The following THEMIS variants were observed in gnomAD, a reference collection of about 807,000 sequenced individuals.
THEMIS encodes protein THEMIS.
A neutral mutation model predicts 52.6 loss-of-function variants in THEMIS; 37 were observed. The observed-to-expected ratio is 0.70, with a 90% confidence interval of 0.54 to 0.93. The LOEUF (loss-of-function observed/expected upper bound fraction) is 0.93. Among genes scored for constraint, THEMIS ranks in the 40% least tolerant of loss-of-function variants. THEMIS has a pLI of 0.00. For missense variants in THEMIS, 808 were observed against 763.1 expected (o/e 1.06, Z -0.69); for synonymous variants, 292 against 272.7 (o/e 1.07, Z -0.70).
chr6:127,801,259 T>G (rs1178463259), intron 4 of THEMIS, among the ~76,000 whole-genome samples: 3 of 152,198 alleles, frequency 2.0e-5, no homozygotes, highest in African/African-American at 4.8e-5. Context: ...TGCTCCTAAG[T>G]TCAGTGGGCA....
At chr6:127,725,793 T>A (rs910476081) in intron 4 of THEMIS, among the ~76,000 whole-genome samples, 1 of 152,078 alleles carries the variant, frequency 6.6e-6, no homozygotes, top group Non-Finnish European at 1.5e-5. Context: ...TTCAGCCCTA[T>A]CCCAAAGACA....
chr6:127,873,374 A>G (rs909072010), intron 1 of THEMIS, among the ~76,000 whole-genome samples: 11 of 152,222 alleles, frequency 7.2e-5, no homozygotes, highest in African/African-American at 2.7e-4. Flanking sequence ...TAGGAATTCA[A>G]CTACCCAAGT....
chr6:127,782,073 C>T (rs1433652855), intron 4 of THEMIS, among the ~76,000 whole-genome samples: 1 of 152,200 alleles, frequency 6.6e-6, no homozygotes, highest in African/African-American at 2.4e-5. Flanking sequence ...TTGAACTTCC[C>T]TTCCCGGTGG....
chr6:127,729,117 A>G (rs1583205999), intron 4 of THEMIS, among the ~76,000 whole-genome samples: 2 of 125,222 alleles, frequency 1.6e-5, no homozygotes, highest in Admixed American at 8.4e-5. Context: ...CTCAATTTCC[A>G]TTCTACTCCC....
intron 2 of THEMIS, among the ~76,000 whole-genome samples, chr6:127,842,166 C>T (rs1164166983): frequency 1.3e-5 from 2 of 151,704 alleles, no homozygotes; most frequent in African/African-American, 4.8e-5. Context: ...CCTATCAGGT[C>T]CTTTAGAAAC....
At chr6:127,736,434 A>G (rs1775007534) in intron 4 of THEMIS, among the ~76,000 whole-genome samples, 1 of 152,140 alleles carries the variant, frequency 6.6e-6, no homozygotes, top group South Asian at 2.1e-4. Context: ...AGGGAATAAA[A>G]TTGATAATAG....
intron 2 of THEMIS, among the ~76,000 whole-genome samples, chr6:127,852,015 G>A (rs1255079213): frequency 6.6e-6 from 1 of 151,530 alleles, no homozygotes; most frequent in Non-Finnish European, 1.5e-5. Flanking sequence ...ATACGTCGGG[G>A]ACTGTCTGTA....
chr6:127,865,136 T>C (rs1349466942), intron 1 of THEMIS, among the ~76,000 whole-genome samples: 2 of 152,100 alleles, frequency 1.3e-5, no homozygotes, highest in Admixed American at 1.3e-4. Flanking sequence ...CTACTAAATA[T>C]GCAGCACCCC....
intron 4 of THEMIS, among the ~76,000 whole-genome samples, chr6:127,790,056 G>A (rs898717081): frequency 1.2e-4 from 18 of 152,318 alleles, no homozygotes; most frequent in African/African-American, 3.6e-4. Flanking sequence ...GATATAAAGC[G>A]TACTCAGACA....
intron 1 of THEMIS, among the ~76,000 whole-genome samples, chr6:127,883,933 A>G (rs565393649): frequency 1.2e-3 from 185 of 152,226 alleles, no homozygotes; most frequent in African/African-American, 4.4e-3. Flanking sequence ...TATATATATT[A>G]TATGTGCTTA....
intron 3 of THEMIS, among the ~76,000 whole-genome samples, chr6:127,826,228 C>T (rs1053069755): frequency 1.1e-4 from 17 of 152,104 alleles, no homozygotes; most frequent in Non-Finnish European, 2.9e-5. Flanking sequence ...GTGTCAAGGG[C>T]ATAAAGGTTT....
chr6:127,849,019 A>G (rs1583349048), intron 2 of THEMIS, among the ~76,000 whole-genome samples: 1 of 151,806 alleles, frequency 6.6e-6, no homozygotes, highest in Non-Finnish European at 1.5e-5. Context: ...GTCCTGAATG[A>G]TATTGCCTAG....
intron 4 of THEMIS, among the ~76,000 whole-genome samples, chr6:127,754,904 A>G (rs1775768723): frequency 6.6e-6 from 1 of 152,202 alleles, no homozygotes; most frequent in African/African-American, 2.4e-5. Flanking sequence ...CATAATATTC[A>G]CACAAAATAT....
chr6:127,762,524 A>T (rs1226050159), intron 4 of THEMIS, among the ~76,000 whole-genome samples: 1 of 152,092 alleles, frequency 6.6e-6, no homozygotes, highest in Non-Finnish European at 1.5e-5. Context: ...GCTCTCAGAT[A>T]AAATATACTA....
intron 2 of THEMIS, among the ~76,000 whole-genome samples, chr6:127,841,251 C>G (rs1370812997): frequency 6.6e-6 from 1 of 151,988 alleles, no homozygotes; most frequent in Non-Finnish European, 1.5e-5. Context: ...GTGGCAAAAC[C>G]TCTAAATCCC....
intron 1 of THEMIS, among the ~76,000 whole-genome samples, chr6:127,880,061 C>T (rs1780434152): frequency 6.6e-6 from 1 of 152,174 alleles, no homozygotes; most frequent in African/African-American, 2.4e-5. Flanking sequence ...GGTGCCATCT[C>T]TATTATTATC....
At chr6:127,805,861 C>A (rs1390349835) in intron 4 of THEMIS, among the ~76,000 whole-genome samples, 1 of 152,018 alleles carries the variant, frequency 6.6e-6, no homozygotes, top group South Asian at 2.1e-4. Context: ...AATAAATTCA[C>A]AATTGACAAA....
At chr6:127,710,917 C>G (rs1240606926) in intron 5 of THEMIS, among the ~76,000 whole-genome samples, 1 of 151,704 alleles carries the variant, frequency 6.6e-6, no homozygotes, top group African/African-American at 2.4e-5. Context: ...ACTCAATAGC[C>G]TATAACTGCC....
Position 127,855,103 on chromosome 6 carries a change from G to C in THEMIS, c.177C>G (p.Ile59Met). 1 of 1,611,318 alleles carries C rather than the reference G, an allele frequency of 6.2e-7. No individual in the cohort carries two copies. Among genetic ancestry groups the C allele is most frequent in the African/African-American group, 1.3e-5 (1 of 74,796 alleles). The change falls in exon 2 of 6, where the codon ATC (isoleucine) becomes ATG (methionine). Residue 59 changes from isoleucine (I) to methionine (M), a missense_variant. Physicochemically the swap from Ile to Met is conservative, Grantham distance 10. Transcript: ENST00000368248. ...CAATCTGCTCACAAATTTCAGCTATGATCTTCTTAACTTTGAGACCAGTAA... is the reference window on the plus strand; with the variant it reads ...CAATCTGCTCACAAATTTCAGCTATCATCTTCTTAACTTTGAGACCAGTAA... The part of the protein sequence containing the change: ...IKITGLKVKK[I>M]IAEICEQIEG...
Sources: gnomAD v4.1 joint callset for allele counts (sites outside exome capture counted in the v4.1 genomes callset) on GRCh38, gnomAD v4.1.1 for gene constraint, MANE v1.5 for transcripts, NCBI Gene and HGNC (gene_info 2026-07-23, HGNC 2026-07-21) for gene names.